The following ZNF215 variants were observed in gnomAD, a reference collection of about 807,000 sequenced individuals.
ZNF215 encodes BWSCR2-associated zinc finger protein 2.
ZNF215 carries 24 observed loss-of-function variants against 27.2 expected under a neutral mutation model. The observed-to-expected ratio is 0.88, with a 90% CI of 0.64 to 1.24. The LOEUF (loss-of-function observed/expected upper bound fraction) is 1.24, where lower values mean the gene tolerates loss of function less well. ZNF215 is among the 50% of genes most tolerant of loss of function. The probability of loss-of-function intolerance (pLI) is 0.00; values close to 1 mark genes in which losing one functional copy is unlikely to be tolerated. For missense variants in ZNF215, 675 were observed against 605.7 expected (o/e 1.11, Z -1.20); for synonymous variants, 210 against 204.0 (o/e 1.03, Z -0.25).
intron 6 of ZNF215, among the ~76,000 whole-genome samples, chr11:6,945,193 G>A (rs1281561904): frequency 6.6e-6 from 1 of 151,880 alleles, no homozygotes; most frequent in East Asian, 1.9e-4. Context: ...AATTTCATAG[G>A]CAAATTACTC....
chr11:6,928,129 T>C (rs929587006), intron 2 of ZNF215, among the ~76,000 whole-genome samples: 3 of 152,218 alleles, frequency 2.0e-5, no homozygotes, highest in Non-Finnish European at 4.4e-5. Context: ...TAGTAATAAA[T>C]ATGGTTTCCA....
rs573844544 is a variant in ZNF215 at position 6,983,357 on chromosome 11, G to C, written c.806-772G>C. Among the ~76,000 whole-genome samples, 3 of 152,186 alleles carry C rather than the reference G, an allele frequency of 2.0e-5. No individual in the cohort carries two copies. The East Asian group carries it at 5.8e-4, about 29-fold the overall frequency. On this transcript the variant is annotated intron_variant, in intron 5 of 5. Transcript: ENST00000529903. ...AGGAGGAACTGGTACCATTCCTTCT[G>C]AAACTATTCCAATCAACAGAAAAAG...
chr11:6,985,842 T>TC (rs1452031144), downstream of ZNF215, among the ~76,000 whole-genome samples: 1 of 151,960 alleles, frequency 6.6e-6, no homozygotes, highest in African/African-American at 2.4e-5. Flanking sequence ...AGGTGAAGAA[T>TC]CTCTACAAGG....
downstream of ZNF215, among the ~76,000 whole-genome samples, chr11:6,992,456 T>G (rs1461528612): frequency 6.6e-6 from 1 of 152,246 alleles, no homozygotes; most frequent in African/African-American, 2.4e-5. Context: ...ATGCTATGAA[T>G]AATATGACAG....
chr11:6,986,108 A>G (rs950255795), downstream of ZNF215, among the ~76,000 whole-genome samples: 2 of 152,102 alleles, frequency 1.3e-5, no homozygotes, highest in African/African-American at 4.8e-5. Flanking sequence ...GAGGCATCAC[A>G]TTACCCAACT....
chr11:6,976,409 C>T (rs1457983589), intron 5 of ZNF215, among the ~76,000 whole-genome samples: 2 of 151,848 alleles, frequency 1.3e-5, no homozygotes, highest in Admixed American at 6.6e-5. Context: ...GTAGAGGTTA[C>T]CTGAGAATAA....
At chr11:6,927,850 C>T (rs1214059023) in intron 2 of ZNF215, 43 bp downstream of exon 2, 1 of 152,216 alleles carries the variant, frequency 6.6e-6, no homozygotes, top group Non-Finnish European at 1.5e-5. Flanking sequence ...ACAAACCTCC[C>T]AGTATATTTG....
chr11:6,933,053 G>A (rs1478304856), intron 3 of ZNF215, among the ~76,000 whole-genome samples: 1 of 152,186 alleles, frequency 6.6e-6, no homozygotes, highest in African/African-American at 2.4e-5. Flanking sequence ...AGCAGAGACT[G>A]TACTGTCTGC....
chr11:6,976,511 G>C (rs1159950077), intron 5 of ZNF215, among the ~76,000 whole-genome samples: 1 of 152,028 alleles, frequency 6.6e-6, no homozygotes, highest in African/African-American at 2.4e-5. Context: ...GAAAATATGT[G>C]AAAATGATGT....
intron 5 of ZNF215, among the ~76,000 whole-genome samples, chr11:6,978,258 T>C (rs953448681): frequency 6.6e-6 from 1 of 151,976 alleles, no homozygotes; most frequent in African/African-American, 2.4e-5. Flanking sequence ...ACATGCAACA[T>C]GGATGAATAA....
chr11:6,983,331 A>G (rs1564979184), intron 5 of ZNF215, among the ~76,000 whole-genome samples: 2 of 152,130 alleles, frequency 1.3e-5, no homozygotes, highest in African/African-American at 4.8e-5. Context: ...CCAGAGGTAC[A>G]AGGAGGAACT....
intron 6 of ZNF215, among the ~76,000 whole-genome samples, chr11:6,949,684 C>T (rs1436313233): frequency 6.6e-6 from 1 of 152,086 alleles, no homozygotes; most frequent in Non-Finnish European, 1.5e-5. Context: ...TTGTGGGTTG[C>T]CTGTTCACTC....
chr11:6,951,773 T>C (rs2133271690), intron 6 of ZNF215, among the ~76,000 whole-genome samples: 1 of 152,312 alleles, frequency 6.6e-6, no homozygotes, highest in Non-Finnish European at 1.5e-5. Context: ...TGCCTTCTGC[T>C]AGCTTTTGAA....
chr11:6,934,459 A>G (rs969250241), intron 3 of ZNF215, among the ~76,000 whole-genome samples: 1 of 152,168 alleles, frequency 6.6e-6, no homozygotes, highest in East Asian at 1.9e-4. Context: ...TTATTCTACA[A>G]GCCTGTACAT....
chr11:6,955,460 A>G (rs1029692443), intron 6 of ZNF215, among the ~76,000 whole-genome samples: 1 of 152,174 alleles, frequency 6.6e-6, no homozygotes, highest in African/African-American at 2.4e-5. Flanking sequence ...CTCGAGCCCT[A>G]TACCGTTTTT....
intron 6 of ZNF215, 84 bp downstream of exon 6, chr11:6,943,725 T>C: frequency 9.1e-7 from 1 of 1,100,722 alleles, no homozygotes; most frequent in South Asian, 1.4e-5. Context: ...ATCTTTGAAT[T>C]GTTAGTTGGG....
chr11:6,985,561 A>G (rs1013958858), downstream of ZNF215, among the ~76,000 whole-genome samples: 16 of 152,208 alleles, frequency 1.1e-4, no homozygotes, highest in African/African-American at 3.6e-4. Context: ...AGGTAAGAGA[A>G]AGAAATGCAT....
intron 5 of ZNF215, among the ~76,000 whole-genome samples, chr11:6,980,242 C>T (rs563492915): frequency 1.9e-4 from 29 of 151,988 alleles, no homozygotes; most frequent in African/African-American, 6.0e-4. Flanking sequence ...AAAAATACAG[C>T]TTATTTTGCT....
intron 5 of ZNF215, among the ~76,000 whole-genome samples, chr11:6,963,264 T>C (rs1437919560): frequency 6.6e-6 from 1 of 152,038 alleles, no homozygotes; most frequent in Admixed American, 6.6e-5. Context: ...TAGGCCTATC[T>C]ATATATAATT....
Sources: gnomAD v4.1 joint callset for allele counts (sites outside exome capture counted in the v4.1 genomes callset) on GRCh38, gnomAD v4.1.1 for gene constraint, MANE v1.5 for transcripts, NCBI Gene and HGNC (gene_info 2026-07-23, HGNC 2026-07-21) for gene names.